Variants in ADD2 observed in about 807,000 individuals in gnomAD.
The protein encoded by ADD2 is beta-adducin.
A neutral mutation model predicts 83.0 loss-of-function variants in ADD2; 23 were observed. That is an observed-to-expected ratio of 0.28 (90% CI 0.20 to 0.39). The LOEUF (loss-of-function observed/expected upper bound fraction) is 0.39. Ranked by LOEUF, ADD2 falls within the 10% of genes least tolerant of loss-of-function variation. ADD2 has a pLI of 1.00. For synonymous variants in ADD2, 375 were observed against 375.4 expected (o/e 1.00, Z 0.01); for missense variants, 758 against 944.9 (o/e 0.80, Z 2.59).
intron 1 of ADD2, among the ~76,000 whole-genome samples, chr2:70,755,676 T>A (rs1412830676): frequency 6.6e-6 from 1 of 152,216 alleles, no homozygotes; most frequent in African/African-American, 2.4e-5. Flanking sequence ...TAAATGCACA[T>A]TTTCTTAAAT....
intron 9 of ADD2, among the ~76,000 whole-genome samples, chr2:70,686,586 T>C (rs1289954362): frequency 6.6e-6 from 1 of 152,148 alleles, no homozygotes; most frequent in Non-Finnish European, 1.5e-5. Context: ...TTACAGGAGA[T>C]ATTTTCTTAT....
Position 70,677,795 on chromosome 2 carries a change from T to C in ADD2, c.1466A>G (p.Tyr489Cys), listed in dbSNP as rs782565347. 1 of 1,614,236 alleles carries C rather than the reference T, an allele frequency of 6.2e-7. No individual in the cohort carries two copies. Among genetic ancestry groups the C allele is most frequent in the Non-Finnish European group, 8.5e-7 (1 of 1,180,050 alleles). Reference protein sequence around the residue: ...IENPNQFVPLYTDPQEVLEMR... With the variant: ...IENPNQFVPLCTDPQEVLEMR... Reference sequence around the variant, plus strand: ...CTCCAGTACTTCCTGGGGGTCAGTATAGAGAGGCACAAATTGGTTTGGGTT... The same window carrying C: ...CTCCAGTACTTCCTGGGGGTCAGTACAGAGAGGCACAAATTGGTTTGGGTT... The change falls in exon 12 of 16, where the codon TAT becomes TGT. Residue 489 changes from tyrosine to cysteine, a missense_variant. Tyr to Cys is a radical substitution (Grantham distance 194). Coordinates refer to ENST00000264436, the MANE Select transcript of ADD2 (RefSeq NM_001617.4).
chr2:70,715,943 G>A (rs1415018709), intron 1 of ADD2, among the ~76,000 whole-genome samples: 1 of 151,964 alleles, frequency 6.6e-6, no homozygotes, highest in Non-Finnish European at 1.5e-5. Flanking sequence ...ATGATCTCTG[G>A]TCCACAGTCC....
In ADD2 at chr2:70,696,278, A is replaced by G; in HGVS notation, c.441T>C (p.Tyr147=). The part of the protein sequence containing the change: ...ISSVYRLLDL[Y]GWAQLSDTYV... ...AGGTGTCACTCAGCTGGGCCCAGCCATAGAGGTCCAGGAGTCGGTAGACAC... is the reference window on the plus strand; with the variant it reads ...AGGTGTCACTCAGCTGGGCCCAGCCGTAGAGGTCCAGGAGTCGGTAGACAC... Residue 147 remains tyrosine (Y), a synonymous_variant, in exon 5 of 16, where the codon TAT becomes TAC. Coordinates refer to ENST00000264436, the MANE Select transcript of ADD2 (RefSeq NM_001617.4). The G allele has an allele frequency of 6.2e-7, 1 of 1,613,580 alleles. No individual in the cohort carries two copies. The highest frequency in any genetic ancestry group is 8.5e-7 in the Non-Finnish European group (1 of 1,179,844).
At chr2:70,750,063 G>C (rs546218241) in intron 1 of ADD2, among the ~76,000 whole-genome samples, 1 of 151,988 alleles carries the variant, frequency 6.6e-6, no homozygotes, top group South Asian at 2.1e-4. Context: ...CTTTCATATC[G>C]TAGGTGCCTG....
At position 70,706,410 on chromosome 2, in the gene ADD2, T is replaced by C. The variant is rs62642474; in HGVS notation, c.-2A>G. 1,393 of 1,602,558 alleles carry C rather than the reference T, an allele frequency of 8.7e-4. 6 individuals are homozygous for C. The African/African-American group carries it at 0.016, about 19-fold the overall frequency. On this transcript the variant is annotated 5_prime_UTR_variant, in exon 3 of 16. Coordinates refer to ENST00000264436, the MANE Select transcript of ADD2 (RefSeq NM_001617.4). The surrounding 1 kb of genome is among the most constrained non-coding windows in gnomAD (Gnocchi z 5.0). ...CTCGGGGACCGTCTCTTCGCTCATTTTCCCGGTGGGTTTGCAATTCGCTCC... is the reference window on the plus strand; with the variant it reads ...CTCGGGGACCGTCTCTTCGCTCATTCTCCCGGTGGGTTTGCAATTCGCTCC...
chr2:70,746,767 T>C (rs1330584717), intron 1 of ADD2, among the ~76,000 whole-genome samples: 1 of 152,180 alleles, frequency 6.6e-6, no homozygotes, highest in Non-Finnish European at 1.5e-5. Context: ...AATTCAGGTC[T>C]CATCCACACT....
At chr2:70,716,984 C>T (rs1672502016) in intron 1 of ADD2, among the ~76,000 whole-genome samples, 1 of 152,142 alleles carries the variant, frequency 6.6e-6, no homozygotes, top group Non-Finnish European at 1.5e-5. Flanking sequence ...GCATCACACA[C>T]AACAACCTCC....
At chr2:70,748,344 G>T (rs2104521770) in intron 1 of ADD2, among the ~76,000 whole-genome samples, 1 of 151,728 alleles carries the variant, frequency 6.6e-6, no homozygotes, top group Non-Finnish European at 1.5e-5. Context: ...TCTCTGTGTA[G>T]CTATCATTGA....
chr2:70,747,273 C>T (rs1179487350), intron 1 of ADD2, among the ~76,000 whole-genome samples: 1 of 152,114 alleles, frequency 6.6e-6, no homozygotes, highest in Non-Finnish European at 1.5e-5. Flanking sequence ...GCCTCCCAAA[C>T]TGCTGGGATT....
intron 10 of ADD2, among the ~76,000 whole-genome samples, chr2:70,682,973 G>A (rs1670534135): frequency 6.6e-6 from 1 of 150,966 alleles, no homozygotes; most frequent in Non-Finnish European, 1.5e-5. Flanking sequence ...TATGAGCAAA[G>A]CCCCAGTATA....
In ADD2 at chr2:70,726,573, G is replaced by A. The variant is rs545348837; in HGVS notation, c.-153-13389C>T. On this transcript the variant is annotated intron_variant, in intron 1 of 15. Coordinates refer to ENST00000264436, the MANE Select transcript of ADD2 (RefSeq NM_001617.4). ...TATGGAGGGCCCAGAACAATTCCTGGGAGAATGGAAATGTTGGTGACAGAA... is the reference window on the plus strand; with the variant it reads ...TATGGAGGGCCCAGAACAATTCCTGAGAGAATGGAAATGTTGGTGACAGAA... 1.4e-4 allele frequency among the ~76,000 whole-genome samples: 21 copies of A among 152,292 alleles called. No individual in the cohort carries two copies. In the East Asian group the frequency reaches 3.5e-3, roughly 25 times the overall value.
Position 70,706,509 on chromosome 2 carries a change from G to A in ADD2, c.-34-67C>T. 2 of 1,392,666 alleles carry A rather than the reference G, an allele frequency of 1.4e-6. No individual in the cohort carries two copies. The highest frequency in any genetic ancestry group is 1.4e-5 in the South Asian group (1 of 71,876). The allele number at this position is 1,392,666 out of a possible 1,614,324, so 86.3% of individuals were successfully genotyped here. On this transcript the variant is annotated intron_variant, in intron 2 of 15. Coordinates refer to ENST00000264436, the MANE Select transcript of ADD2 (RefSeq NM_001617.4). This position sits in a 1 kb window ranked among gnomAD's most constrained non-coding sequence, Gnocchi z 5.0. The stretch of plus-strand genomic sequence containing the variant: ...CCCATCGGGGTACACGTTTCTCAGA[G>A]CACAGGGCTAGGTTCAGTTGGATTC...
rs566884803 is a variant in ADD2 at position 70,727,757 on chromosome 2, G to A, written c.-153-14573C>T. ...TAAAATATACAAAAGTTAGCTGGGC[G>A]TGGTGATGCATGCCTGTAATCCCAG... On this transcript the variant is annotated intron_variant, in intron 1 of 15. Coordinates refer to ENST00000264436, the MANE Select transcript of ADD2 (RefSeq NM_001617.4). Among the ~76,000 whole-genome samples the A allele has an allele frequency of 6.6e-5, 10 of 152,174 alleles. No homozygotes were observed. In the South Asian group the frequency reaches 8.3e-4, roughly 13 times the overall value.
chr2:70,703,329 A>G (rs1671708899), intron 4 of ADD2, among the ~76,000 whole-genome samples: 1 of 152,192 alleles, frequency 6.6e-6, no homozygotes, highest in African/African-American at 2.4e-5. Context: ...TGCACATTAA[A>G]ACACAAATAA....
chr2:70,712,719 T>TG (rs1298182435), intron 2 of ADD2, among the ~76,000 whole-genome samples: 2 of 152,122 alleles, frequency 1.3e-5, no homozygotes, highest in Non-Finnish European at 1.5e-5. Flanking sequence ...GCTGAGGGCA[T>TG]GGGGGAGAAC....
intron 1 of ADD2, among the ~76,000 whole-genome samples, chr2:70,759,563 C>G (rs1255507180): frequency 6.6e-6 from 1 of 151,990 alleles, no homozygotes; most frequent in African/African-American, 2.4e-5. Context: ...GCCATTCTTG[C>G]AGTAGTGAGT....
chr2:70,692,605 A>G (rs1671102066), intron 6 of ADD2, 53 bp from the exon 7 acceptor site: 1 of 1,512,088 alleles, frequency 6.6e-7, no homozygotes, highest in Non-Finnish European at 8.8e-7. Flanking sequence ...GAGGCCCCGC[A>G]CTCCTCTCCC....
rs951366702 is a variant in ADD2 at position 70,662,784 on chromosome 2, C to G, written c.*641G>C. On this transcript the variant is annotated 3_prime_UTR_variant, in exon 16 of 16. Coordinates refer to ENST00000264436, the MANE Select transcript of ADD2 (RefSeq NM_001617.4). The stretch of plus-strand genomic sequence containing the variant: ...CCTATGCCTACCACCTCTTATAGCT[C>G]TTCCATCCATCATTCAAGAGGTTCC... 1.6e-4 allele frequency: 24 copies of G among 152,476 alleles called. No homozygotes were observed. Among genetic ancestry groups the G allele is most frequent in the African/African-American group, 5.8e-4 (24 of 41,450 alleles). 9.4% of individuals were successfully genotyped at this position (152,476 alleles called of 1,614,324 possible). A position where few individuals can be genotyped will look rare whatever the true frequency, so the allele number is the denominator to read the frequency against.
Sources: gnomAD v4.1 joint callset for allele counts (sites outside exome capture counted in the v4.1 genomes callset) on GRCh38, gnomAD v4.1.1 for gene constraint, Gnocchi (gnomAD v3.1) non-coding constraint, MANE v1.5 for transcripts, NCBI Gene and HGNC (gene_info 2026-07-23, HGNC 2026-07-21) for gene names.